EPB41L3: variants seen among roughly 807,000 people sequenced by gnomAD.
EPB41L3 encodes erythrocyte membrane protein band 4.1 like 3.
EPB41L3 carries 57 observed loss-of-function variants against 127.1 expected under a neutral mutation model. The ratio of observed to expected loss-of-function variants is 0.45; its 90% CI spans 0.36 to 0.56. The LOEUF is 0.56. EPB41L3 is among the 20% of genes least tolerant of loss of function. The pLI, the probability that EPB41L3 is intolerant of heterozygous loss-of-function variation, is 0.00. For synonymous variants in EPB41L3, 572 were observed against 549.5 expected, an observed-to-expected ratio of 1.04 and a Z score of -0.57; for missense variants, 1,273 against 1,372.2, an observed-to-expected ratio of 0.93 and a Z score of 1.14.
intron 6 of EPB41L3, among the ~76,000 whole-genome samples, chr18:5,436,421 T>C (rs2079820199): frequency 7.0e-6 from 1 of 142,276 alleles, no homozygotes; most frequent in South Asian, 2.2e-4. Context: ...TTTTTTTTTT[T>C]TTTTTGAGAC....
At chr18:5,603,349 T>A in intron 3 of EPB41L3, among the ~76,000 whole-genome samples, 1 of 152,102 alleles carries the variant, frequency 6.6e-6, no homozygotes, top group East Asian at 1.9e-4. Context: ...TAGAGGACAA[T>A]GTCAGAAGGC....
intron 1 of EPB41L3, among the ~76,000 whole-genome samples, chr18:5,620,599 G>A (rs952311342): frequency 6.6e-6 from 1 of 152,170 alleles, no homozygotes; most frequent in African/African-American, 2.4e-5. Context: ...TAATGTAGAT[G>A]ATGTTGTAAC....
intron 1 of EPB41L3, among the ~76,000 whole-genome samples, chr18:5,529,898 G>A (rs934022147): frequency 1.7e-4 from 25 of 150,654 alleles, no homozygotes; most frequent in Non-Finnish European, 5.9e-5. Flanking sequence ...TCCTGACCAT[G>A]CCATCACCAA....
intron 16 of EPB41L3, among the ~76,000 whole-genome samples, chr18:5,402,286 T>A (rs2074628483): frequency 1.4e-5 from 2 of 145,990 alleles, no homozygotes; most frequent in Non-Finnish European, 3.1e-5. Context: ...TTCTTTTCCT[T>A]TTTTTTTTGC....
chr18:5,505,412 C>A (rs1050404455), intron 1 of EPB41L3, among the ~76,000 whole-genome samples: 14 of 152,066 alleles, frequency 9.2e-5, no homozygotes, highest in Admixed American at 5.9e-4. Context: ...ATCACCTCCA[C>A]GCTTTCGCCT....
chr18:5,564,376 A>G (rs1030042927), intron 3 of EPB41L3, among the ~76,000 whole-genome samples: 5 of 152,202 alleles, frequency 3.3e-5, no homozygotes, highest in African/African-American at 1.2e-4. Flanking sequence ...GAAATAGGAA[A>G]GGGAAGGAGA....
chr18:5,585,246 G>A (rs907933743), intron 3 of EPB41L3, among the ~76,000 whole-genome samples: 4 of 152,130 alleles, frequency 2.6e-5, no homozygotes, highest in African/African-American at 9.7e-5. Context: ...ATGTGTGATC[G>A]TGTCTCTACT....
intron 3 of EPB41L3, among the ~76,000 whole-genome samples, chr18:5,557,112 T>C (rs2094048349): frequency 1.3e-5 from 2 of 152,138 alleles, no homozygotes; most frequent in African/African-American, 4.8e-5. Flanking sequence ...GGAGGTGTGC[T>C]GAGCTTATAG....
At chr18:5,540,557 A>T in intron 1 of EPB41L3, 1 of 985,490 alleles carries the variant, frequency 1.0e-6, no homozygotes, top group Non-Finnish European at 1.2e-6. Context: ...ATCAAATAAC[A>T]GCAGAACCCT....
intron 9 of EPB41L3, among the ~76,000 whole-genome samples, chr18:5,426,534 G>T (rs1388607549): frequency 6.6e-6 from 1 of 152,162 alleles, no homozygotes; most frequent in African/African-American, 2.4e-5. Flanking sequence ...ATTTCATTAA[G>T]AAATGTATCA....
At chr18:5,423,606 G>T in intron 10 of EPB41L3, 53 bp from the exon 11 acceptor site, 1 of 1,494,212 alleles carries the variant, frequency 6.7e-7, no homozygotes, top group Non-Finnish European at 9.0e-7. Flanking sequence ...AATATTGAGA[G>T]TGCTTTTTAA....
chr18:5,571,638 G>A (rs2094282092), intron 3 of EPB41L3, among the ~76,000 whole-genome samples: 1 of 152,212 alleles, frequency 6.6e-6, no homozygotes. Flanking sequence ...TTGGTTTAAA[G>A]TGGATCCAGA....
At chr18:5,487,600 T>C (rs2089982566) in intron 2 of EPB41L3, among the ~76,000 whole-genome samples, 1 of 151,154 alleles carries the variant, frequency 6.6e-6, no homozygotes, top group Non-Finnish European at 1.5e-5. Flanking sequence ...CAAGTGATTC[T>C]CGTGCCTCAG....
At position 5,543,039 on chromosome 18, in the gene EPB41L3, TCGCGGCCCCGAGGGCGCCAGGTGAGTCG is replaced by T. The variant is rs1449981873; in HGVS notation, c.-12+846_-12+873del. Among the ~76,000 whole-genome samples, 5 of 151,924 alleles carry T rather than the reference TCGCGGCCCCGAGGGCGCCAGGTGAGTCG, an allele frequency of 3.3e-5. No homozygotes were observed. The highest frequency in any genetic ancestry group is 7.4e-5 in the Non-Finnish European group (5 of 67,964). ...CTTCGCAGACACCTCCCGAGGAGAA[TCGCGGCCCCGAGGGCGCCAGGTGAGTCG>T]CGCCGCCCCGAGCCCCCGGGCCACG... is the stretch of plus-strand genomic sequence containing the variant. On this transcript the variant is annotated intron_variant, in intron 1 of 22. Coordinates refer to ENST00000341928, the MANE Select transcript of EPB41L3 (RefSeq NM_012307.5). This position sits in a 1 kb window ranked among gnomAD's most constrained non-coding sequence, Gnocchi z 5.2.
rs959245045 is a variant in EPB41L3 at position 5,543,860 on chromosome 18, C to T, written c.-12+53G>A. On this transcript the variant is annotated intron_variant, in intron 1 of 22. Coordinates refer to ENST00000341928, the MANE Select transcript of EPB41L3 (RefSeq NM_012307.5). This position sits in a 1 kb window ranked among gnomAD's most constrained non-coding sequence, Gnocchi z 5.2. ...GGCCTCGGGCTCTTCCTCCGCACCT[C>T]GTAAAGCCGAGACCCCCTCGCAGTC... 23 of 984,798 alleles carry T rather than the reference C, an allele frequency of 2.3e-5. No homozygotes were observed. In the East Asian group the frequency reaches 3.4e-4, roughly 15 times the overall value. The allele number at this position is 984,798 out of a possible 1,614,324, so 61.0% of individuals were successfully genotyped here.
intron 7 of EPB41L3, 146 bp downstream of exon 7, chr18:5,433,757 A>G: frequency 1.0e-6 from 1 of 958,070 alleles, no homozygotes; most frequent in Non-Finnish European, 1.6e-6. Flanking sequence ...GAGCTTGCCC[A>G]TCTCAGAATT....
At chr18:5,568,610 C>T (rs1211369626) in intron 3 of EPB41L3, among the ~76,000 whole-genome samples, 2 of 152,120 alleles carry the variant, frequency 1.3e-5, no homozygotes, top group African/African-American at 4.8e-5. Flanking sequence ...GTGGGTGATA[C>T]TGATTATTTG....
At chr18:5,463,878 G>C (rs1286072180) in intron 3 of EPB41L3, 1 of 152,178 alleles carries the variant, frequency 6.6e-6, no homozygotes, top group South Asian at 2.1e-4. Flanking sequence ...TATGTGTATC[G>C]GGTGCTGTTT....
intron 1 of EPB41L3, among the ~76,000 whole-genome samples, chr18:5,616,062 T>C (rs9955312): frequency 0.024 from 3,605 of 152,154 alleles, 137 homozygotes; most frequent in African/African-American, 0.083. Context: ...TCTCCCTTGG[T>C]AATCTCATGG....
Sources: gnomAD v4.1 joint callset for allele counts (sites outside exome capture counted in the v4.1 genomes callset) on GRCh38, gnomAD v4.1.1 for gene constraint, Gnocchi (gnomAD v3.1) non-coding constraint, MANE v1.5 for transcripts, NCBI Gene and HGNC (gene_info 2026-07-23, HGNC 2026-07-21) for gene names.